WWOX: variants seen among roughly 807,000 people sequenced by gnomAD.
WWOX encodes WW domain containing oxidoreductase.
A neutral mutation model predicts 46.2 loss-of-function variants in WWOX; 69 were observed. That is an observed-to-expected ratio of 1.49 (90% CI 1.23 to 1.82). The LOEUF (loss-of-function observed/expected upper bound fraction) is 1.82, where lower values mean the gene tolerates loss of function less well. WWOX is among the 40% of genes most tolerant of loss of function. The pLI, the probability that WWOX is intolerant of heterozygous loss-of-function variation, is 0.00. For missense variants in WWOX, 919 were observed against 542.6 expected, an observed-to-expected ratio of 1.69 and a Z score of -6.89; for synonymous variants, 359 against 202.6, an observed-to-expected ratio of 1.77 and a Z score of -6.56.
chr16:78,717,722 C>T (rs372524464), intron 8 of WWOX, among the ~76,000 whole-genome samples: 4 of 152,128 alleles, frequency 2.6e-5, no homozygotes, highest in East Asian at 1.9e-4. Flanking sequence ...ACTCCAATGC[C>T]GGCTTCCTTT....
At chr16:78,495,517 T>A (rs1280295527) in intron 8 of WWOX, among the ~76,000 whole-genome samples, 1 of 151,440 alleles carries the variant, frequency 6.6e-6, no homozygotes, top group Non-Finnish European at 1.5e-5. Context: ...GGTCTTTTTT[T>A]TTTTTTTTGG....
At chr16:79,018,662 C>T (rs986152793) in intron 8 of WWOX, among the ~76,000 whole-genome samples, 1 of 152,116 alleles carries the variant, frequency 6.6e-6, no homozygotes, top group Non-Finnish European at 1.5e-5. Flanking sequence ...ATATCATGCT[C>T]ACCCCAATCA....
intron 8 of WWOX, among the ~76,000 whole-genome samples, chr16:79,056,636 C>G (rs373877363): frequency 6.6e-6 from 1 of 152,190 alleles, no homozygotes; most frequent in African/African-American, 2.4e-5. Context: ...AGTAGCATCC[C>G]TTCCCCCTCT....
At chr16:78,621,234 G>T (rs992432767) in intron 8 of WWOX, among the ~76,000 whole-genome samples, 5 of 152,090 alleles carry the variant, frequency 3.3e-5, no homozygotes, top group South Asian at 4.1e-4. Context: ...TGCCAAGCTC[G>T]GTGGAATTGT....
intron 8 of WWOX, among the ~76,000 whole-genome samples, chr16:78,460,819 A>G (rs897700141): frequency 1.3e-5 from 2 of 152,244 alleles, no homozygotes; most frequent in African/African-American, 4.8e-5. Context: ...ACTCTATTTC[A>G]GTTGAGTTTT....
intron 8 of WWOX, among the ~76,000 whole-genome samples, chr16:78,938,038 G>A (rs1179705302): frequency 2.6e-5 from 4 of 152,182 alleles, no homozygotes; most frequent in Non-Finnish European, 5.9e-5. Flanking sequence ...GTCCTATGGG[G>A]AGATAGGTCA....
At chr16:78,749,807 G>A (rs1459366110) in intron 8 of WWOX, among the ~76,000 whole-genome samples, 1 of 152,136 alleles carries the variant, frequency 6.6e-6, no homozygotes, top group Non-Finnish European at 1.5e-5. Context: ...ATTTAACCAG[G>A]CTTTTTATAA....
intron 8 of WWOX, among the ~76,000 whole-genome samples, chr16:78,999,883 G>C (rs1014064272): frequency 6.6e-6 from 1 of 152,112 alleles, no homozygotes; most frequent in African/African-American, 2.4e-5. Context: ...AAATTAAAAA[G>C]AGTTACTGTA....
Position 78,228,100 on chromosome 16 carries a change from A to G in WWOX, c.516+63811A>G, listed in dbSNP as rs138810325. ...AGAGGAAGCTGGTTGGCTTTGTCAC[A>G]AATGCCTTGATGTCTCTTTCCTCCC... is the stretch of plus-strand genomic sequence containing the variant. On this transcript the variant is annotated intron_variant, in intron 5 of 8. Coordinates refer to ENST00000566780, the MANE Select transcript of WWOX (RefSeq NM_016373.4). Among the ~76,000 whole-genome samples, 344 of 152,198 alleles carry G rather than the reference A, an allele frequency of 2.3e-3. 5 individuals carry two copies. Among genetic ancestry groups the G allele is most frequent in the African/African-American group, 7.8e-3 (324 of 41,538 alleles).
chr16:79,086,870 G>C (rs952489577), intron 8 of WWOX, among the ~76,000 whole-genome samples: 1 of 152,182 alleles, frequency 6.6e-6, no homozygotes, highest in African/African-American at 2.4e-5. Context: ...GTGACAGAGT[G>C]AGACCCTGTC....
chr16:78,953,678 C>T (rs577220858), intron 8 of WWOX, among the ~76,000 whole-genome samples: 5 of 152,226 alleles, frequency 3.3e-5, no homozygotes, highest in Non-Finnish European at 7.4e-5. Flanking sequence ...CCAAGCATTT[C>T]GGTAGGCAGT....
chr16:78,876,064 G>A (rs939893882), intron 8 of WWOX, among the ~76,000 whole-genome samples: 2 of 152,132 alleles, frequency 1.3e-5, no homozygotes, highest in Non-Finnish European at 2.9e-5. Flanking sequence ...CAGATGGACA[G>A]CTGCCAACCT....
chr16:78,799,803 G>T (rs1042993794), intron 8 of WWOX, among the ~76,000 whole-genome samples: 1 of 152,222 alleles, frequency 6.6e-6, no homozygotes, highest in Admixed American at 6.5e-5. Context: ...ATCTTTGGCT[G>T]TGTTGACAGA....
intron 8 of WWOX, among the ~76,000 whole-genome samples, chr16:78,445,763 A>G (rs1490241269): frequency 6.6e-6 from 1 of 152,004 alleles, no homozygotes; most frequent in African/African-American, 2.4e-5. Context: ...CTGTAGTCCC[A>G]GCTACTCTAG....
At chr16:79,104,931 G>T (rs866190109) in intron 8 of WWOX, among the ~76,000 whole-genome samples, 81 of 152,336 alleles carry the variant, frequency 5.3e-4, no homozygotes, top group African/African-American at 1.9e-3. Flanking sequence ...TTACTCAGGA[G>T]CAAAGCAGGT....
At chr16:78,308,224 G>A (rs957267520) in intron 5 of WWOX, among the ~76,000 whole-genome samples, 1 of 152,200 alleles carries the variant, frequency 6.6e-6, no homozygotes, top group African/African-American at 2.4e-5. Context: ...AGTCTGCAGA[G>A]GTGATTGCCC....
At chr16:78,798,894 G>T (rs972901518) in intron 8 of WWOX, among the ~76,000 whole-genome samples, 2 of 152,232 alleles carry the variant, frequency 1.3e-5, no homozygotes, top group East Asian at 1.9e-4. Flanking sequence ...CTCCCCAGGG[G>T]AATTAAAGTT....
At chr16:78,761,282 A>G (rs1051631319) in intron 8 of WWOX, among the ~76,000 whole-genome samples, 3 of 152,140 alleles carry the variant, frequency 2.0e-5, no homozygotes, top group African/African-American at 7.2e-5. Context: ...GGCCTCCAAG[A>G]AGTCGGATCT....
intron 8 of WWOX, among the ~76,000 whole-genome samples, chr16:79,005,307 C>T (rs895482879): frequency 6.6e-6 from 1 of 152,140 alleles, no homozygotes; most frequent in South Asian, 2.1e-4. Context: ...GGAGATGCAA[C>T]ACACAGTTTC....
Sources: gnomAD v4.1 joint callset for allele counts (sites outside exome capture counted in the v4.1 genomes callset) on GRCh38, gnomAD v4.1.1 for gene constraint, MANE v1.5 for transcripts, NCBI Gene and HGNC (gene_info 2026-07-23, HGNC 2026-07-21) for gene names.